Variants in MYOM2 observed in about 807,000 individuals in gnomAD.
MYOM2 encodes myomesin-2.
In MYOM2, 254 loss-of-function variants were observed where a neutral mutation model predicts 187.6. The ratio of observed to expected loss-of-function variants is 1.35; its 90% CI spans 1.22 to 1.50. The LOEUF (loss-of-function observed/expected upper bound fraction) is 1.50. Among genes scored for constraint, MYOM2 ranks in the 40% most tolerant of loss-of-function variants. MYOM2 has a pLI of 0.00. For missense variants in MYOM2, 2,796 were observed against 1,924.0 expected (o/e 1.45, Z -8.48); for synonymous variants, 981 against 753.8 (o/e 1.30, Z -4.94).
intron 25 of MYOM2, among the ~76,000 whole-genome samples, chr8:2,115,507 A>G (rs953868760): frequency 6.6e-6 from 1 of 152,252 alleles, no homozygotes; most frequent in Non-Finnish European, 1.5e-5. Context: ...GATGGACCAC[A>G]GCAGGCTGGG....
At chr8:2,086,379 G>T (rs1480278435) in intron 14 of MYOM2, among the ~76,000 whole-genome samples, 1 of 39,510 alleles carries the variant, frequency 2.5e-5, no homozygotes, top group Admixed American at 2.6e-4. Context: ...TGTGATCTCT[G>T]CGTGGCCTCC....
chr8:2,052,318 G>A lies in MYOM2; in HGVS notation c.263+5G>A. The A allele has an allele frequency of 6.3e-7, 1 of 1,593,654 alleles. No homozygotes were observed. The highest frequency in any genetic ancestry group is 1.3e-5 in the African/African-American group (1 of 74,422). ...GGAGCAGGAGAACAGAAGCAGGTGAGCACATGGCTTCCCTGACTCCACTTG... is the reference window on the plus strand; with the variant it reads ...GGAGCAGGAGAACAGAAGCAGGTGAACACATGGCTTCCCTGACTCCACTTG... On this transcript the variant is annotated splice_donor_5th_base_variant and intron_variant, in intron 3 of 36. Coordinates refer to ENST00000262113, the MANE Select transcript of MYOM2 (RefSeq NM_003970.4).
At chr8:2,052,081 G>T (rs1344455436) in intron 2 of MYOM2, 77 bp from the exon 3 acceptor site, 1 of 1,584,906 alleles carries the variant, frequency 6.3e-7, no homozygotes, top group South Asian at 1.1e-5. Flanking sequence ...TGTGTAGAGA[G>T]AAAGTGATGT....
rs777554709 is a variant in MYOM2 at position 2,079,624 on chromosome 8, C to G, written c.1516+11C>G. On this transcript the variant is annotated intron_variant, in intron 13 of 36. Coordinates refer to ENST00000262113, the MANE Select transcript of MYOM2 (RefSeq NM_003970.4). ...AGGATGACCTTGAAGGTAAGTAGCA[C>G]CTCATCACCCCAGCTGCTCAGCCCC... 2.4e-5 allele frequency: 38 copies of G among 1,613,534 alleles called. 1 individual carries two copies. The African/African-American group carries it at 2.9e-4, about 12-fold the overall frequency.
intron 5 of MYOM2, among the ~76,000 whole-genome samples, chr8:2,058,679 G>C (rs1818753649): frequency 6.6e-6 from 1 of 152,192 alleles, no homozygotes; most frequent in African/African-American, 2.4e-5. Flanking sequence ...AGACAGGCTT[G>C]GGAGGCTGAG....
chr8:2,048,165 A>G (rs1039895800), intron 1 of MYOM2, among the ~76,000 whole-genome samples: 3 of 152,242 alleles, frequency 2.0e-5, no homozygotes, highest in Non-Finnish European at 4.4e-5. Flanking sequence ...ATGACACATG[A>G]GCCCCTGCTG....
At chr8:2,132,161 G>A (rs1585965729) in intron 32 of MYOM2, among the ~76,000 whole-genome samples, 2 of 152,288 alleles carry the variant, frequency 1.3e-5, no homozygotes, top group East Asian at 3.9e-4. Context: ...AGCCATTTGA[G>A]GCTAAATAAT....
In MYOM2 at chr8:2,078,757, G is replaced by T. The variant is rs1398813443; in HGVS notation, c.1286G>T (p.Trp429Leu). Residue 429 changes from tryptophan to leucine, a missense_variant, in exon 12 of 37, where the codon TGG becomes TTG. Physicochemically the swap from Trp to Leu is moderately conservative, Grantham distance 61. Transcript: ENST00000262113. ...AGATGTGAAGTAGGAACGAATAATTGGGTGCAGTGCAATGATGCACCGGTG... is the reference window on the plus strand; with the variant it reads ...AGATGTGAAGTAGGAACGAATAATTTGGTGCAGTGCAATGATGCACCGGTG... ...VDRCEVGTNN[W>L]VQCNDAPVKI... is the part of the protein sequence containing the mutation. 1 of 1,614,048 alleles carries T rather than the reference G, an allele frequency of 6.2e-7. No individual in the cohort carries two copies. The highest frequency in any genetic ancestry group is 8.5e-7 in the Non-Finnish European group (1 of 1,179,994).
chr8:2,076,408 G>A, intron 11 of MYOM2, 126 bp downstream of exon 11: 2 of 1,242,768 alleles, frequency 1.6e-6, no homozygotes, highest in South Asian at 1.6e-5. Flanking sequence ...CTAGGTACAT[G>A]GCTAATTGGT....
At chr8:2,091,731 C>A (rs1563048510) in intron 15 of MYOM2, among the ~76,000 whole-genome samples, 1 of 152,230 alleles carries the variant, frequency 6.6e-6, no homozygotes. Context: ...TGTCTTTGAG[C>A]AAGGCCCTGC....
chr8:2,096,154 T>C, intron 17 of MYOM2, 93 bp from the exon 18 acceptor site: 8 of 1,291,746 alleles, frequency 6.2e-6, no homozygotes, highest in Non-Finnish European at 8.7e-6. Flanking sequence ...CCACGTTGCT[T>C]CCTCCTCCCT....
chr8:2,106,744 C>T, intron 23 of MYOM2, 147 bp downstream of exon 23: 1 of 600,156 alleles, frequency 1.7e-6, no homozygotes, highest in Non-Finnish European at 2.9e-6. Context: ...TAAGCCAAAA[C>T]TTGCTTTAGA....
At chr8:2,099,046 G>T in intron 19 of MYOM2, 63 bp downstream of exon 19, 1 of 1,518,746 alleles carries the variant, frequency 6.6e-7, no homozygotes, top group South Asian at 1.3e-5. Context: ...AGGGGCCTCT[G>T]TGGCTGCGAC....
chr8:2,113,000 G>A (rs1489484842), intron 25 of MYOM2, among the ~76,000 whole-genome samples: 1 of 152,182 alleles, frequency 6.6e-6, no homozygotes, highest in Non-Finnish European at 1.5e-5. Context: ...TTGGGTCCTG[G>A]GTAAGATCAT....
intron 10 of MYOM2, among the ~76,000 whole-genome samples, chr8:2,075,813 C>G (rs1311631214): frequency 6.6e-6 from 1 of 152,180 alleles, no homozygotes; most frequent in Admixed American, 6.5e-5. Flanking sequence ...GTCACTGTTT[C>G]ATCCGCACAT....
At chr8:2,104,978 A>G (rs1056717614) in intron 21 of MYOM2, among the ~76,000 whole-genome samples, 3 of 152,166 alleles carry the variant, frequency 2.0e-5, no homozygotes, top group African/African-American at 4.8e-5. Context: ...GGATCTCACT[A>G]TGTTGCCCAG....
At chr8:2,107,103 A>G (rs191474629) in intron 23 of MYOM2, among the ~76,000 whole-genome samples, 3 of 152,312 alleles carry the variant, frequency 2.0e-5, no homozygotes, top group African/African-American at 7.2e-5. Context: ...TCAAGGGGAA[A>G]AACAATAGTT....
At chr8:2,074,906 C>G (rs1300998433) in intron 10 of MYOM2, among the ~76,000 whole-genome samples, 4 of 152,346 alleles carry the variant, frequency 2.6e-5, no homozygotes, top group African/African-American at 9.6e-5. Flanking sequence ...CGCCATGTAG[C>G]TGCTGCTGCT....
chr8:2,089,668 C>G (rs1027535636), intron 14 of MYOM2, among the ~76,000 whole-genome samples: 3 of 152,196 alleles, frequency 2.0e-5, no homozygotes, highest in African/African-American at 4.8e-5. Flanking sequence ...GAATATACTT[C>G]TAAATTATCT....
Sources: gnomAD v4.1 joint callset for allele counts (sites outside exome capture counted in the v4.1 genomes callset) on GRCh38, gnomAD v4.1.1 for gene constraint, MANE v1.5 for transcripts, NCBI Gene and HGNC (gene_info 2026-07-23, HGNC 2026-07-21) for gene names.